SLC25A24: variants seen among roughly 807,000 people sequenced by gnomAD.
The protein encoded by SLC25A24 is solute carrier family 25 member 24.
SLC25A24 carries 49 observed loss-of-function variants against 60.7 expected under a neutral mutation model. The observed-to-expected ratio is 0.81, with a 90% CI of 0.64 to 1.02. SLC25A24 has a LOEUF of 1.02. SLC25A24 is among the 50% of genes least tolerant of loss of function. The probability of loss-of-function intolerance (pLI) is 0.00; values close to 1 mark genes in which losing one functional copy is unlikely to be tolerated. For synonymous variants in SLC25A24, 202 were observed against 200.6 expected (o/e 1.01, Z -0.06); for missense variants, 564 against 586.3 (o/e 0.96, Z 0.39).
chr1:108,143,991 A>T (rs1300189259), intron 7 of SLC25A24, among the ~76,000 whole-genome samples: 2 of 152,166 alleles, frequency 1.3e-5, no homozygotes, highest in Non-Finnish European at 2.9e-5. Flanking sequence ...ACTGGTGACC[A>T]CCTGCATCTG....
At chr1:108,157,297 A>G (rs552933831) in intron 5 of SLC25A24, among the ~76,000 whole-genome samples, 165 bp downstream of exon 5, 1 of 152,344 alleles carries the variant, frequency 6.6e-6, no homozygotes, top group Admixed American at 6.5e-5. Context: ...ACACTGCCAT[A>G]CTTACATGGA....
intron 1 of SLC25A24, among the ~76,000 whole-genome samples, chr1:108,197,213 T>A (rs1198198586): frequency 6.6e-6 from 1 of 152,200 alleles, no homozygotes; most frequent in East Asian, 1.9e-4. Flanking sequence ...TAGTAATGGT[T>A]AGCTATTATA....
At chr1:108,198,583 A>AT (rs781411156) in intron 1 of SLC25A24, 1 of 152,274 alleles carries the variant, frequency 6.6e-6, no homozygotes, top group Non-Finnish European at 1.5e-5. Context: ...ACACAAACAT[A>AT]TAACAGAATA....
At chr1:108,147,194 A>G (rs1352520371) in intron 7 of SLC25A24, among the ~76,000 whole-genome samples, 1 of 152,046 alleles carries the variant, frequency 6.6e-6, no homozygotes, top group Non-Finnish European at 1.5e-5. Context: ...TTTCTAGTTT[A>G]TTTGCATAGA....
At chr1:108,138,546 C>CAA (rs55849370) in intron 9 of SLC25A24, among the ~76,000 whole-genome samples, 1 of 152,320 alleles carries the variant, frequency 6.6e-6, no homozygotes, top group Admixed American at 6.5e-5. Context: ...ACAATGGAGA[C>CAA]TGTCACAGTG....
In SLC25A24 at chr1:108,200,319, C is replaced by A; in HGVS notation, c.-181G>T. 1 of 393,920 alleles carries A rather than the reference C, an allele frequency of 2.5e-6. No homozygotes were observed. The highest frequency in any genetic ancestry group is 4.2e-6 in the Non-Finnish European group (1 of 240,930). 24.4% of individuals were successfully genotyped at this position (393,920 alleles called of 1,614,324 possible). A position where few individuals can be genotyped will look rare whatever the true frequency, so the allele number is the denominator to read the frequency against. ...AGGGCGCAGGAGCGGAGACCCCACCCGAGCCCGCGCGGAGCGCAGGGTGTG... is the reference window on the plus strand; with the variant it reads ...AGGGCGCAGGAGCGGAGACCCCACCAGAGCCCGCGCGGAGCGCAGGGTGTG... On this transcript the variant is annotated 5_prime_UTR_variant, in exon 1 of 10. Transcript: ENST00000565488.
At chr1:108,165,560 T>C (rs1402376340) in intron 3 of SLC25A24, among the ~76,000 whole-genome samples, 1 of 152,206 alleles carries the variant, frequency 6.6e-6, no homozygotes, top group African/African-American at 2.4e-5. Context: ...GCCTTCTTTG[T>C]CTCTTCTGAT....
Position 108,192,373 on chromosome 1 carries a change from C to T in SLC25A24, c.184-6419G>A. ...AATAAACGGTAACGCTGGTCAACGACCTGAACACTGCAGTGGGCCCAGGTC... is the reference window on the plus strand; with the variant it reads ...AATAAACGGTAACGCTGGTCAACGATCTGAACACTGCAGTGGGCCCAGGTC... On this transcript the variant is annotated intron_variant, in intron 1 of 9. Coordinates refer to ENST00000565488, the MANE Select transcript of SLC25A24 (RefSeq NM_013386.5). The T allele has an allele frequency of 1.1e-5, 7 of 658,992 alleles. 2 individuals are homozygous for T. The highest frequency in any genetic ancestry group is 1.5e-5 in the Non-Finnish European group (6 of 394,422). 40.8% of individuals were successfully genotyped at this position (658,992 alleles called of 1,614,324 possible).
At chr1:108,192,203 T>C (rs1036385999) in intron 1 of SLC25A24, among the ~76,000 whole-genome samples, 4 of 138,642 alleles carry the variant, frequency 2.9e-5, no homozygotes, top group African/African-American at 1.0e-4. Context: ...TAATGACAGG[T>C]GAGCACATTG....
intron 1 of SLC25A24, chr1:108,199,623 T>A: frequency 2.2e-6 from 1 of 458,266 alleles, no homozygotes; most frequent in East Asian, 3.4e-5. Context: ...ATTACATGTC[T>A]GCAAGGTATT....
At chr1:108,167,406 A>G (rs1240377191) in intron 3 of SLC25A24, among the ~76,000 whole-genome samples, 1 of 152,050 alleles carries the variant, frequency 6.6e-6, no homozygotes, top group African/African-American at 2.4e-5. Flanking sequence ...GCCGCCTTGC[A>G]GTTTGATCTC....
chr1:108,139,089 C>G lies in SLC25A24; in HGVS notation c.1218G>C (p.Leu406Phe). The G allele has an allele frequency of 6.2e-7, 1 of 1,606,916 alleles. No individual in the cohort carries two copies. Among genetic ancestry groups the G allele is most frequent in the Non-Finnish European group, 8.5e-7 (1 of 1,176,724 alleles). ...STCGQLASYP[L>F]ALVRTRMQAQ... Reference sequence around the variant, plus strand: ...CCTGCATGCGAGTTCTCACCAAAGCCAATGGGTAGCTGGCCAGCTGACCAC... The same window carrying G: ...CCTGCATGCGAGTTCTCACCAAAGCGAATGGGTAGCTGGCCAGCTGACCAC... Residue 406 changes from leucine (L) to phenylalanine (F), a missense_variant, in exon 9 of 10, where the codon TTG (leucine) becomes TTC (phenylalanine). Transcript: ENST00000565488.
chr1:108,196,840 C>T (rs1243532755), intron 1 of SLC25A24, among the ~76,000 whole-genome samples: 1 of 152,036 alleles, frequency 6.6e-6, no homozygotes, highest in Non-Finnish European at 1.5e-5. Flanking sequence ...AGGAGGAAGA[C>T]AAGAGGGAGA....
Position 108,134,958 on chromosome 1 carries a change from G to C in SLC25A24, c.*1695C>G, listed in dbSNP as rs1460922491. 6.6e-6 allele frequency: 1 copy of C among 151,958 alleles called. No homozygotes were observed. Among genetic ancestry groups the C allele is most frequent in the Non-Finnish European group, 1.5e-5 (1 of 67,966 alleles). 9.4% of individuals were successfully genotyped at this position (151,958 alleles called of 1,614,324 possible). A position where few individuals can be genotyped will look rare whatever the true frequency, so the allele number is the denominator to read the frequency against. On this transcript the variant is annotated 3_prime_UTR_variant, in exon 10 of 10. Coordinates refer to ENST00000565488, the MANE Select transcript of SLC25A24 (RefSeq NM_013386.5). ...TTTTGGAAAAGATACAAGATGTACA[G>C]ACAAATCACATTCATACCTTACAAT...
chr1:108,185,596 C>T (rs542361967), intron 2 of SLC25A24, among the ~76,000 whole-genome samples: 1 of 152,120 alleles, frequency 6.6e-6, no homozygotes, highest in South Asian at 2.1e-4. Flanking sequence ...GTTTTTAATT[C>T]AGAAATGTAA....
intron 1 of SLC25A24, among the ~76,000 whole-genome samples, chr1:108,196,847 G>A (rs1028496862): frequency 1.3e-5 from 2 of 152,174 alleles, no homozygotes; most frequent in East Asian, 3.8e-4. Context: ...AGACAAGAGG[G>A]AGAAGGAGGT....
intron 3 of SLC25A24, among the ~76,000 whole-genome samples, chr1:108,165,244 T>C (rs1473492229): frequency 1.3e-5 from 2 of 152,206 alleles, no homozygotes; most frequent in Admixed American, 6.5e-5. Flanking sequence ...AGCCGTGGTG[T>C]GGTGCTGAAA....
At position 108,200,272 on chromosome 1, in the gene SLC25A24, G is replaced by T; in HGVS notation, c.-134C>A. ...CAGCGTTTGGGGCGCCGTCGGGGTT[G>T]CGGCTGCGGCGCGCAGGGCGCAGGG... On this transcript the variant is annotated 5_prime_UTR_variant, in exon 1 of 10. Transcript: ENST00000565488. 2.5e-6 allele frequency: 2 copies of T among 800,012 alleles called. No individual in the cohort carries two copies. Among genetic ancestry groups the T allele is most frequent in the South Asian group, 3.7e-5 (1 of 27,320 alleles). 49.6% of individuals were successfully genotyped at this position (800,012 alleles called of 1,614,324 possible). A position where few individuals can be genotyped will look rare whatever the true frequency, so the allele number is the denominator to read the frequency against.
intron 3 of SLC25A24, among the ~76,000 whole-genome samples, chr1:108,167,557 G>A (rs1312017714): frequency 6.6e-6 from 1 of 152,202 alleles, no homozygotes; most frequent in African/African-American, 2.4e-5. Context: ...CGATTTTCCA[G>A]GTGCCATCTG....
Sources: allele counts gnomAD v4.1 joint callset (sites outside exome capture counted in the v4.1 genomes callset), GRCh38; gene constraint gnomAD v4.1.1; transcripts MANE v1.5; gene names NCBI Gene and HGNC (gene_info 2026-07-23, HGNC 2026-07-21).